Variants in IL1RAP observed in about 807,000 individuals in gnomAD.
IL1RAP encodes interleukin 1 receptor accessory protein.
A neutral mutation model predicts 60.7 loss-of-function variants in IL1RAP; 35 were observed. That is an observed-to-expected ratio of 0.58 (90% CI 0.44 to 0.76). IL1RAP has a LOEUF of 0.76. IL1RAP is among the 30% of genes least tolerant of loss of function. The probability of loss-of-function intolerance (pLI) is 0.00; values close to 1 mark genes in which losing one functional copy is unlikely to be tolerated. For missense variants in IL1RAP, 572 were observed against 693.9 expected (o/e 0.82, Z 1.97); for synonymous variants, 268 against 250.9 (o/e 1.07, Z -0.64).
intron 3 of IL1RAP, among the ~76,000 whole-genome samples, chr3:190,592,308 G>A (rs1427620098): frequency 6.6e-6 from 1 of 152,206 alleles, no homozygotes; most frequent in Non-Finnish European, 1.5e-5. Flanking sequence ...ATCCCCTGGT[G>A]CCACTTTGAT....
intron 3 of IL1RAP, among the ~76,000 whole-genome samples, chr3:190,586,723 G>A (rs1728494035): frequency 6.6e-6 from 1 of 151,972 alleles, no homozygotes; most frequent in Non-Finnish European, 1.5e-5. Flanking sequence ...GCCCCAGGGA[G>A]CTGCCTTCGA....
chr3:190,524,941 G>T (rs1405017885), intron 1 of IL1RAP, among the ~76,000 whole-genome samples: 2 of 151,974 alleles, frequency 1.3e-5, no homozygotes, highest in Non-Finnish European at 2.9e-5. Flanking sequence ...TATTTTTGGA[G>T]TGTTGAGTAT....
chr3:190,548,102 G>A (rs1724544236), intron 1 of IL1RAP, among the ~76,000 whole-genome samples: 1 of 152,166 alleles, frequency 6.6e-6, no homozygotes, highest in African/African-American at 2.4e-5. Flanking sequence ...GGCCAAGGAT[G>A]CCTTGGATCC....
chr3:190,539,592 C>G (rs902477939), intron 1 of IL1RAP, among the ~76,000 whole-genome samples: 1 of 151,766 alleles, frequency 6.6e-6, no homozygotes, highest in African/African-American at 2.4e-5. Context: ...CTTAAAACAT[C>G]TGTATCATAT....
At chr3:190,522,455 C>CTATA (rs1553824888) in intron 1 of IL1RAP, among the ~76,000 whole-genome samples, 2,068 of 149,580 alleles carry the variant, frequency 0.014, 46 homozygotes, top group African/African-American at 0.049. Flanking sequence ...ATCTATCTAT[C>CTATA]TATCTATCTC....
intron 1 of IL1RAP, among the ~76,000 whole-genome samples, chr3:190,555,287 G>T (rs115393528): frequency 0.03 from 3,900 of 131,024 alleles, 67 homozygotes; most frequent in Non-Finnish European, 0.042. Context: ...CAAGTGATGT[G>T]CTCCTTCCTC....
At chr3:190,590,446 G>A (rs962575798) in intron 3 of IL1RAP, among the ~76,000 whole-genome samples, 1 of 151,980 alleles carries the variant, frequency 6.6e-6, no homozygotes, top group Non-Finnish European at 1.5e-5. Flanking sequence ...GTAGAGATGG[G>A]GTTTCACCAT....
At chr3:190,550,373 G>A (rs1724760844) in intron 1 of IL1RAP, 1 of 152,048 alleles carries the variant, frequency 6.6e-6, no homozygotes, top group African/African-American at 2.4e-5. Flanking sequence ...ATTGAGTTTG[G>A]GACAATAATG....
intron 9 of IL1RAP, among the ~76,000 whole-genome samples, chr3:190,638,020 A>C (rs1434771105): frequency 1.3e-5 from 2 of 151,824 alleles, no homozygotes; most frequent in African/African-American, 4.8e-5. Context: ...AAGAATGCAG[A>C]ATGATTTGTT....
intron 9 of IL1RAP, among the ~76,000 whole-genome samples, chr3:190,640,476 A>G: frequency 6.6e-6 from 1 of 152,206 alleles, no homozygotes; most frequent in East Asian, 1.9e-4. Context: ...TCATAATTTT[A>G]ATAAAGCATT....
At chr3:190,569,540 C>T (rs1726727093) in intron 3 of IL1RAP, among the ~76,000 whole-genome samples, 1 of 151,562 alleles carries the variant, frequency 6.6e-6, no homozygotes, top group Admixed American at 6.6e-5. Flanking sequence ...AGAATTTCAC[C>T]CTGTTGTCAT....
intron 1 of IL1RAP, among the ~76,000 whole-genome samples, chr3:190,538,075 C>G (rs1723619189): frequency 6.6e-6 from 1 of 152,136 alleles, no homozygotes; most frequent in South Asian, 2.1e-4. Context: ...GAAGCACACA[C>G]CTCTGTTCCT....
At position 190,525,367 on chromosome 3, in the gene IL1RAP, G is replaced by A. The variant is rs558018394; in HGVS notation, c.-89+11148G>A. 3.3e-5 allele frequency among the ~76,000 whole-genome samples: 5 copies of A among 152,276 alleles called. No individual in the cohort carries two copies. In the Middle Eastern group the frequency reaches 0.01, roughly 311 times the overall value. On this transcript the variant is annotated intron_variant, in intron 1 of 11. Coordinates refer to ENST00000447382, the MANE Select transcript of IL1RAP (RefSeq NM_002182.4). ...ACGATAGGCCTGAGGTCGTCACTGA[G>A]GTGGTGGGCCAAGTAAGAGACAGTG... is the stretch of plus-strand genomic sequence containing the variant.
chr3:190,655,556 A>T (rs1734586265), downstream of IL1RAP, among the ~76,000 whole-genome samples: 1 of 115,596 alleles, frequency 8.7e-6, no homozygotes, highest in African/African-American at 3.5e-5. Context: ...TCAATTGCCC[A>T]CCGTGTGTGT....
Position 190,627,435 on chromosome 3 carries a change from C to T in IL1RAP, c.888C>T (p.Val296=). The T allele has an allele frequency of 6.2e-7, 1 of 1,609,206 alleles. No individual in the cohort carries two copies. The highest frequency in any genetic ancestry group is 8.5e-7 in the Non-Finnish European group (1 of 1,178,194). ...AACCTGATGACATCACTATTGATGT[C>T]ACCATTAACGAAAGGTATCATGGGG... The part of the protein sequence containing the change: ...GKKPDDITID[V]TINESISHSR... Residue 296 remains valine, a synonymous_variant, in exon 8 of 12, where the codon GTC becomes GTT. Coordinates refer to ENST00000447382, the MANE Select transcript of IL1RAP (RefSeq NM_002182.4).
At chr3:190,599,626 G>A (rs984986057) in intron 3 of IL1RAP, among the ~76,000 whole-genome samples, 1 of 150,778 alleles carries the variant, frequency 6.6e-6, no homozygotes, top group Non-Finnish European at 1.5e-5. Context: ...GTCCTTAGAA[G>A]GTTGTATACT....
intron 3 of IL1RAP, among the ~76,000 whole-genome samples, chr3:190,570,829 G>A (rs1333989555): frequency 6.6e-6 from 1 of 152,184 alleles, no homozygotes; most frequent in African/African-American, 2.4e-5. Flanking sequence ...GCCTCCCAAA[G>A]TGCTGGAATG....
At chr3:190,654,190 TCACACACACACA>T (rs57074064), downstream of IL1RAP, among the ~76,000 whole-genome samples, 2,759 of 140,504 alleles carry the variant, frequency 0.02, 97 homozygotes, top group African/African-American at 0.07. Context: ...AAACATCATA[TCACACACACACA>T]CACACACACA....
At position 190,649,518 on chromosome 3, in the gene IL1RAP, G is replaced by A; in HGVS notation, c.*813G>A. Reference sequence around the variant, plus strand: ...TCAGTCTGAAAGAAATCTCCTAATGGTGCTATAGAGAGGGAGGTAACAGAA... The same window carrying A: ...TCAGTCTGAAAGAAATCTCCTAATGATGCTATAGAGAGGGAGGTAACAGAA... On this transcript the variant is annotated 3_prime_UTR_variant, in exon 12 of 12. Coordinates refer to ENST00000447382, the MANE Select transcript of IL1RAP (RefSeq NM_002182.4). 1 of 985,772 alleles carries A rather than the reference G, an allele frequency of 1.0e-6. No homozygotes were observed. Among genetic ancestry groups the A allele is most frequent in the South Asian group, 4.7e-5 (1 of 21,284 alleles). 61.1% of individuals were successfully genotyped at this position (985,772 alleles called of 1,614,324 possible).
Sources: allele counts gnomAD v4.1 joint callset (sites outside exome capture counted in the v4.1 genomes callset), GRCh38; gene constraint gnomAD v4.1.1; transcripts MANE v1.5; gene names NCBI Gene and HGNC (gene_info 2026-07-23, HGNC 2026-07-21).